Variants in APOLD1 observed in about 807,000 individuals in gnomAD.
The protein encoded by APOLD1 is apolipoprotein L domain containing 1, also known as apolipoprotein L domain-containing protein 1.
APOLD1 carries 22 observed loss-of-function variants against 15.3 expected under a neutral mutation model. The observed-to-expected ratio is 1.44, with a 90% CI of 1.03 to 2.05. APOLD1 has a LOEUF of 2.05. APOLD1 is among the 30% of genes most tolerant of loss of function. APOLD1 has a pLI of 0.00. For missense variants in APOLD1, 394 were observed against 353.5 expected, an observed-to-expected ratio of 1.11 and a Z score of -0.92; for synonymous variants, 190 against 167.4, an observed-to-expected ratio of 1.13 and a Z score of -1.04.
chr12:12,746,288 G>T lies in APOLD1; in HGVS notation c.96+20192G>T, dbSNP rs184412444. 2.9e-3 allele frequency among the ~76,000 whole-genome samples: 440 copies of T among 152,344 alleles called. 1 individual carries two copies. Among genetic ancestry groups the T allele is most frequent in the Admixed American group, 6.6e-3 (101 of 15,300 alleles). On this transcript the variant is annotated intron_variant, in intron 1 of 1. Coordinates refer to the APOLD1 transcript ENST00000326765. ...AGGCGGGTGGGTCACCTGAGGTCAG[G>T]AGTTCGAGACCAACCTGGCCAACAT...
chr12:12,771,707 C>T (rs1359892981), intron 1 of APOLD1: 1 of 384,418 alleles, frequency 2.6e-6, no homozygotes. Context: ...TTGGGCACTT[C>T]CTAACAGATA....
intron 1 of APOLD1, among the ~76,000 whole-genome samples, chr12:12,778,106 A>AT (rs1947051931): frequency 1.3e-5 from 2 of 148,548 alleles, no homozygotes; most frequent in South Asian, 2.1e-4. Context: ...TTTATTTTTT[A>AT]TTTTTTTGTG....
intron 1 of APOLD1, among the ~76,000 whole-genome samples, chr12:12,774,541 A>G: frequency 9.1e-6 from 1 of 109,482 alleles, no homozygotes; most frequent in Non-Finnish European, 1.8e-5. Flanking sequence ...GCGAGACTCT[A>G]ACTCCAAAAA....
chr12:12,777,889 GTTTTTTTTTTTTTTTTTTTTTTTTT>G (rs71436735), intron 1 of APOLD1, among the ~76,000 whole-genome samples: 1 of 117,064 alleles, frequency 8.5e-6, no homozygotes. Context: ...AAGGAAAGGT[GTTTTTTTTTTTTTTTTTTTTTTTTT>G]TTTTTTTTTT....
At chr12:12,763,561 A>G (rs927518767) in intron 1 of APOLD1, among the ~76,000 whole-genome samples, 1 of 152,184 alleles carries the variant, frequency 6.6e-6, no homozygotes, top group Non-Finnish European at 1.5e-5. Flanking sequence ...ACAAATAAAA[A>G]GCAATGAAGT....
At chr12:12,784,772 A>G (rs1008937210), upstream of APOLD1, among the ~76,000 whole-genome samples, 4 of 152,210 alleles carry the variant, frequency 2.6e-5, no homozygotes, top group African/African-American at 9.6e-5. Context: ...AATGCCCCAG[A>G]GATATCTATG....
At chr12:12,774,521 G>A (rs1947013494) in intron 1 of APOLD1, among the ~76,000 whole-genome samples, 2 of 135,140 alleles carry the variant, frequency 1.5e-5, no homozygotes, top group Non-Finnish European at 3.1e-5. Flanking sequence ...ACTCTGGCCT[G>A]GGTGACACAG....
rs1000341934 is a variant in APOLD1 at position 12,787,755 on chromosome 12, G to C, written c.*103G>C. ...AAAACACCAAGCTGGGTTAGGAGCC[G>C]AAGGCAAAGGATGAGAAAAACTGTT... On this transcript the variant is annotated 3_prime_UTR_variant, in exon 2 of 2. Transcript: ENST00000356591. This position sits in a 1 kb window ranked among gnomAD's most constrained non-coding sequence, Gnocchi z 4.9. The C allele has an allele frequency of 5.4e-6, 8 of 1,480,880 alleles. No individual in the cohort carries two copies. The highest frequency in any genetic ancestry group is 6.3e-6 in the Non-Finnish European group (7 of 1,117,116). The allele number at this position is 1,480,880 out of a possible 1,614,324, so 91.7% of individuals were successfully genotyped here.
rs555785715 is a variant in APOLD1 at position 12,748,868 on chromosome 12, T to C, written c.96+22772T>C. The stretch of plus-strand genomic sequence containing the variant: ...GTAAGAAAGAACAGCTCCTCTCAAA[T>C]AAGATGTGATGACTGAAGATATTGC... On this transcript the variant is annotated intron_variant, in intron 1 of 1. Coordinates refer to the APOLD1 transcript ENST00000326765. Among the ~76,000 whole-genome samples, 4 of 152,282 alleles carry C rather than the reference T, an allele frequency of 2.6e-5. No homozygotes were observed. In the East Asian group the frequency reaches 7.7e-4, roughly 29 times the overall value.
At chr12:12,738,844 TG>T (rs2136372253) in intron 1 of APOLD1, among the ~76,000 whole-genome samples, 1 of 152,304 alleles carries the variant, frequency 6.6e-6, no homozygotes, top group South Asian at 2.1e-4. Context: ...GGATAGAAGG[TG>T]CATTGTGGAG....
At chr12:12,746,366 G>C (rs148568822) in intron 1 of APOLD1, among the ~76,000 whole-genome samples, 10 of 152,224 alleles carry the variant, frequency 6.6e-5, no homozygotes, top group Admixed American at 2.0e-4. Flanking sequence ...TGTGGTGGCA[G>C]ATGCCTGTAA....
intron 1 of APOLD1, among the ~76,000 whole-genome samples, chr12:12,746,510 A>AATAAATACATAC (rs1555089066): frequency 6.0e-5 from 9 of 149,952 alleles, no homozygotes; most frequent in South Asian, 4.3e-4. Context: ...TAAATAAATA[A>AATAAATACATAC]ATAAATACAT....
At chr12:12,733,144 T>C (rs1946655376) in intron 1 of APOLD1, among the ~76,000 whole-genome samples, 2 of 140,530 alleles carry the variant, frequency 1.4e-5, no homozygotes, top group African/African-American at 5.7e-5. Context: ...TGAAACTCCA[T>C]CTCTACAAAA....
intron 1 of APOLD1, among the ~76,000 whole-genome samples, chr12:12,736,244 G>A (rs1454171217): frequency 2.6e-5 from 4 of 152,154 alleles, no homozygotes; most frequent in African/African-American, 7.2e-5. Context: ...CCAGCTACTC[G>A]AGAGGCTGAG....
upstream of APOLD1, among the ~76,000 whole-genome samples, chr12:12,782,189 G>T (rs567407829): frequency 7.9e-5 from 12 of 152,158 alleles, no homozygotes; most frequent in African/African-American, 2.9e-4. Flanking sequence ...AACCTGGAAG[G>T]CGGAGGCTGC....
intron 1 of APOLD1, among the ~76,000 whole-genome samples, chr12:12,750,148 G>A (rs59431878): frequency 0.076 from 11,611 of 152,058 alleles, 835 homozygotes; most frequent in African/African-American, 0.2. Flanking sequence ...CGAGGCGGGC[G>A]GATCACCTGA....
upstream of APOLD1, among the ~76,000 whole-genome samples, chr12:12,782,272 AAC>A (rs1459567692): frequency 6.6e-6 from 1 of 151,790 alleles, no homozygotes; most frequent in East Asian, 1.9e-4. Flanking sequence ...CAAACAAACA[AAC>A]AAACAAACAA....
chr12:12,756,739 G>T (rs1946860012), intron 1 of APOLD1, among the ~76,000 whole-genome samples: 2 of 151,964 alleles, frequency 1.3e-5, no homozygotes, highest in African/African-American at 4.8e-5. Context: ...TCTAGTCTAG[G>T]TACCTAATAT....
chr12:12,767,345 C>A (rs11055055), intron 1 of APOLD1, among the ~76,000 whole-genome samples: 24,323 of 151,932 alleles, frequency 0.16, 2,933 homozygotes, highest in African/African-American at 0.33. Context: ...TAAAAACAAC[C>A]GTACAATAAT....
Sources: gnomAD v4.1 joint callset for allele counts (sites outside exome capture counted in the v4.1 genomes callset) on GRCh38, gnomAD v4.1.1 for gene constraint, Gnocchi (gnomAD v3.1) non-coding constraint, MANE v1.5 for transcripts, NCBI Gene and HGNC (gene_info 2026-07-23, HGNC 2026-07-21) for gene names.